CLDN14: variants seen among roughly 807,000 people sequenced by gnomAD.
The protein encoded by CLDN14 is claudin 14.
Under a neutral mutation model 2.1 loss-of-function variants are expected in CLDN14, and 2 were observed. The ratio of observed to expected loss-of-function variants is 0.96; its 90% CI spans 0.39 to 3.01. The LOEUF is 3.01. Among genes scored for constraint, CLDN14 ranks in the 30% most tolerant of loss-of-function variants. CLDN14 has a pLI of 0.09. For missense variants in CLDN14, 298 were observed against 328.0 expected (o/e 0.91, Z 0.71); for synonymous variants, 136 against 154.4 (o/e 0.88, Z 0.88).
intron 2 of CLDN14, among the ~76,000 whole-genome samples, chr21:36,506,794 T>C (rs2087137535): frequency 6.6e-6 from 1 of 151,946 alleles, no homozygotes; most frequent in Admixed American, 6.6e-5. Context: ...ATCAATTTAA[T>C]AGGGAGCAAG....
At chr21:36,463,314 C>G (rs1171883622) in intron 1 of CLDN14, among the ~76,000 whole-genome samples, 1 of 152,250 alleles carries the variant, frequency 6.6e-6, no homozygotes, top group Non-Finnish European at 1.5e-5. Flanking sequence ...TAGGCAAAAC[C>G]TGCTTCTTCT....
At chr21:36,522,797 C>T (rs1488172670) in intron 1 of CLDN14, among the ~76,000 whole-genome samples, 2 of 151,308 alleles carry the variant, frequency 1.3e-5, no homozygotes, top group Non-Finnish European at 3.0e-5. Flanking sequence ...AAGATGACTT[C>T]TTCCCATTCC....
At chr21:36,497,665 G>C (rs576773515) in intron 2 of CLDN14, among the ~76,000 whole-genome samples, 292 of 152,238 alleles carry the variant, frequency 1.9e-3, no homozygotes, top group African/African-American at 6.6e-3. Context: ...CCAGAAATCA[G>C]TCCTCATTTC....
intron 2 of CLDN14, chr21:36,486,063 T>C (rs1448090378): frequency 3.6e-6 from 5 of 1,406,548 alleles, no homozygotes; most frequent in Non-Finnish European, 5.0e-6. Flanking sequence ...GCGTTTCAAA[T>C]GGCTTCATTG....
intron 1 of CLDN14, among the ~76,000 whole-genome samples, chr21:36,573,672 C>A (rs1213481753): frequency 6.6e-6 from 1 of 152,070 alleles, no homozygotes. Flanking sequence ...CAAGAAAAAT[C>A]TATGAATCTA....
chr21:36,531,668 C>A (rs536006356), intron 1 of CLDN14, among the ~76,000 whole-genome samples: 2 of 149,892 alleles, frequency 1.3e-5, no homozygotes, highest in African/African-American at 4.9e-5. Context: ...GCAGGAGTGT[C>A]AGAGTGGACT....
chr21:36,489,757 C>T (rs768425561), intron 2 of CLDN14, among the ~76,000 whole-genome samples: 22 of 152,186 alleles, frequency 1.4e-4, no homozygotes, highest in Non-Finnish European at 3.1e-4. Context: ...CCAATGACCG[C>T]GAGGGAGCTG....
chr21:36,539,198 G>A (rs910736648), intron 1 of CLDN14, among the ~76,000 whole-genome samples: 4 of 152,226 alleles, frequency 2.6e-5, no homozygotes, highest in Admixed American at 6.5e-5. Context: ...TGTGTCAGAC[G>A]GGAATATAAG....
intron 1 of CLDN14, among the ~76,000 whole-genome samples, chr21:36,524,158 G>C (rs920791946): frequency 2.7e-5 from 4 of 150,404 alleles, no homozygotes; most frequent in Non-Finnish European, 5.9e-5. Context: ...TTGCTCTGTC[G>C]CCCAGGCTGG....
intron 2 of CLDN14, among the ~76,000 whole-genome samples, chr21:36,500,114 C>T (rs1429039373): frequency 6.6e-6 from 1 of 152,204 alleles, no homozygotes; most frequent in Non-Finnish European, 1.5e-5. Context: ...CAAAGTTCCC[C>T]CTTTTTGGTC....
intron 1 of CLDN14, among the ~76,000 whole-genome samples, chr21:36,530,365 G>GA (rs2087370119): frequency 3.3e-5 from 5 of 152,252 alleles, no homozygotes; most frequent in Non-Finnish European, 7.3e-5. Context: ...GCCACATGCA[G>GA]GTCTGCAGTG....
chr21:36,493,593 C>T (rs2086988908), intron 2 of CLDN14, among the ~76,000 whole-genome samples: 1 of 152,074 alleles, frequency 6.6e-6, no homozygotes. Flanking sequence ...TCAGTTCTTC[C>T]AGTCCTGGGG....
chr21:36,464,674 CT>C (rs1308074503), intron 1 of CLDN14, among the ~76,000 whole-genome samples: 4 of 152,232 alleles, frequency 2.6e-5, no homozygotes, highest in Non-Finnish European at 5.9e-5. Context: ...ACCCTGCACC[CT>C]GAGCACACCG....
At chr21:36,484,151 C>T (rs140539944), upstream of CLDN14, among the ~76,000 whole-genome samples, 745 of 152,256 alleles carry the variant, frequency 4.9e-3, 4 homozygotes, top group Non-Finnish European at 8.4e-3. Flanking sequence ...AAAAATAGAC[C>T]CTTTCCTTAG....
At chr21:36,472,864 C>G (rs2086727915) in intron 1 of CLDN14, among the ~76,000 whole-genome samples, 1 of 152,148 alleles carries the variant, frequency 6.6e-6, no homozygotes, top group Non-Finnish European at 1.5e-5. Context: ...CCTCATTGAA[C>G]CCTAATGACC....
Position 36,497,572 on chromosome 21 carries a change from G to T in CLDN14, c.-82+12791C>A, listed in dbSNP as rs187620269. On this transcript the variant is annotated intron_variant, in intron 2 of 2. Transcript: ENST00000342108. ...CAGCAAACTCCAACAGGCCCCAAAC[G>T]AGCTGAGAAAATATCCAACTTCAAA... Among the ~76,000 whole-genome samples the T allele has an allele frequency of 3.3e-5, 5 of 151,928 alleles. No individual in the cohort carries two copies. In the East Asian group the frequency reaches 7.8e-4, roughly 24 times the overall value.
chr21:36,562,272 G>A (rs574145356), intron 1 of CLDN14, among the ~76,000 whole-genome samples: 4 of 152,230 alleles, frequency 2.6e-5, no homozygotes, highest in Non-Finnish European at 5.9e-5. Context: ...TTTCTATGGG[G>A]CTTCATGAGC....
rs149974267 is a variant in CLDN14, at chr21:36,529,584, C to T, written c.-219-19084G>A. Among the ~76,000 whole-genome samples, 1,070 of 152,108 alleles carry T rather than the reference C, an allele frequency of 7.0e-3. 13 individuals carry two copies. The highest frequency in any genetic ancestry group is 0.024 in the African/African-American group (1,003 of 41,454). The stretch of plus-strand genomic sequence containing the variant: ...AGCCACCCACACCTGGCCAAAAAAC[C>T]CATAGATTAATATGTGTCCTTTGAA... On this transcript the variant is annotated intron_variant, in intron 1 of 2. Coordinates refer to the CLDN14 transcript ENST00000342108.
chr21:36,537,237 G>A (rs2087431104), intron 1 of CLDN14, among the ~76,000 whole-genome samples: 1 of 151,040 alleles, frequency 6.6e-6, no homozygotes, highest in Non-Finnish European at 1.5e-5. Context: ...CAAATCTGCA[G>A]AGAGAGAGAG....
Sources: allele counts gnomAD v4.1 joint callset (sites outside exome capture counted in the v4.1 genomes callset), GRCh38; gene constraint gnomAD v4.1.1; transcripts MANE v1.5; gene names NCBI Gene and HGNC (gene_info 2026-07-23, HGNC 2026-07-21).